CFAP299: variants seen among roughly 807,000 people sequenced by gnomAD.
The protein encoded by CFAP299 is cilia- and flagella-associated protein 299.
CFAP299 carries 21 observed loss-of-function variants against 27.0 expected under a neutral mutation model. The ratio of observed to expected loss-of-function variants is 0.78; its 90% confidence interval spans 0.55 to 1.12. CFAP299 has a LOEUF of 1.12. CFAP299 is among the 50% of genes most tolerant of loss of function. CFAP299 has a pLI of 0.00. For missense variants in CFAP299, 310 were observed against 276.6 expected (o/e 1.12, Z -0.86); for synonymous variants, 104 against 98.1 (o/e 1.06, Z -0.36).
chr4:80,426,634 C>T (rs1727542896), intron 2 of CFAP299, among the ~76,000 whole-genome samples: 1 of 152,158 alleles, frequency 6.6e-6, no homozygotes, highest in South Asian at 2.1e-4. Flanking sequence ...GGGAGAGGGG[C>T]CTAGGACTCT....
chr4:80,798,103 A>C (rs1727976457), intron 3 of CFAP299, among the ~76,000 whole-genome samples: 2 of 152,252 alleles, frequency 1.3e-5, no homozygotes, highest in South Asian at 4.1e-4. Context: ...TATATAAATT[A>C]GAAAACTCAA....
At chr4:80,805,696 T>A (rs1728827877) in intron 3 of CFAP299, among the ~76,000 whole-genome samples, 1 of 151,440 alleles carries the variant, frequency 6.6e-6, no homozygotes, top group African/African-American at 2.4e-5. Flanking sequence ...AGTAAAAAAA[T>A]AAAATAAAAA....
intron 4 of CFAP299, chr4:80,873,133 T>C (rs1461556572): frequency 4.6e-6 from 2 of 435,768 alleles, no homozygotes; most frequent in Non-Finnish European, 3.0e-6. Flanking sequence ...ATATAGCATA[T>C]GGTAGTTAGG....
intron 3 of CFAP299, among the ~76,000 whole-genome samples, chr4:80,843,721 C>T (rs1207120505): frequency 1.3e-5 from 2 of 152,028 alleles, no homozygotes. Flanking sequence ...CCTTATTTCT[C>T]CACATCCTCT....
At chr4:80,463,334 C>T (rs1729546411) in intron 2 of CFAP299, among the ~76,000 whole-genome samples, 1 of 152,024 alleles carries the variant, frequency 6.6e-6, no homozygotes, top group Admixed American at 6.5e-5. Context: ...TGCAAAATTA[C>T]ACAAAGAAAG....
chr4:80,871,069 GA>G, intron 4 of CFAP299: 1 of 447,886 alleles, frequency 2.2e-6, no homozygotes, highest in Non-Finnish European at 3.0e-6. Context: ...ACCACGTCTG[GA>G]TACTTTTTGT....
chr4:80,961,939 G>A (rs2109870792), intron 5 of CFAP299, among the ~76,000 whole-genome samples: 1 of 152,010 alleles, frequency 6.6e-6, no homozygotes, highest in African/African-American at 2.4e-5. Context: ...GCTGTCACCA[G>A]TAGGAAATAA....
intron 3 of CFAP299, among the ~76,000 whole-genome samples, chr4:80,723,868 C>T (rs989082675): frequency 4.0e-5 from 6 of 151,618 alleles, no homozygotes; most frequent in South Asian, 2.1e-4. Flanking sequence ...ACATAGTCCA[C>T]CTAATTAATA....
intron 2 of CFAP299, among the ~76,000 whole-genome samples, chr4:80,367,079 A>G (rs1723871917): frequency 6.6e-6 from 1 of 152,218 alleles, no homozygotes; most frequent in South Asian, 2.1e-4. Flanking sequence ...CTGCTAATGA[A>G]TATGAGGTTT....
intron 2 of CFAP299, among the ~76,000 whole-genome samples, chr4:80,370,232 G>A (rs371077175): frequency 1.2e-3 from 190 of 152,198 alleles, no homozygotes; most frequent in African/African-American, 4.3e-3. Flanking sequence ...GTACCAGGGG[G>A]AAATCTGACC....
intron 2 of CFAP299, among the ~76,000 whole-genome samples, chr4:80,532,914 TG>T (rs1474073831): frequency 6.6e-6 from 1 of 152,226 alleles, no homozygotes; most frequent in African/African-American, 2.4e-5. Context: ...GGAAAGCTAG[TG>T]GCTAAGAACT....
At chr4:80,607,159 C>G (rs1737722076) in intron 3 of CFAP299, among the ~76,000 whole-genome samples, 2 of 152,098 alleles carry the variant, frequency 1.3e-5, no homozygotes, top group Admixed American at 1.3e-4. Context: ...CATTTTATGT[C>G]TTTCAGAGGG....
At chr4:80,722,909 C>CAAAACAA (rs1553952997) in intron 3 of CFAP299, among the ~76,000 whole-genome samples, 1 of 150,298 alleles carries the variant, frequency 6.7e-6, no homozygotes, top group Non-Finnish European at 1.5e-5. Context: ...AAAAACAAAA[C>CAAAACAA]AAAAAAAAAT....
chr4:80,727,849 T>G (rs1723247405), intron 3 of CFAP299, among the ~76,000 whole-genome samples: 1 of 151,838 alleles, frequency 6.6e-6, no homozygotes. Context: ...AGAGAACAAA[T>G]ATGAACTATT....
At chr4:80,403,714 T>C (rs965420598) in intron 2 of CFAP299, among the ~76,000 whole-genome samples, 1 of 152,204 alleles carries the variant, frequency 6.6e-6, no homozygotes, top group Admixed American at 6.5e-5. Flanking sequence ...CATTACTTTA[T>C]ATATTTTTGT....
intron 2 of CFAP299, among the ~76,000 whole-genome samples, chr4:80,572,184 C>A (rs1735614449): frequency 6.6e-6 from 1 of 152,068 alleles, no homozygotes; most frequent in South Asian, 2.1e-4. Flanking sequence ...AATGAACATT[C>A]CGATTAAACT....
At chr4:80,456,983 CT>C (rs34551414) in intron 2 of CFAP299, among the ~76,000 whole-genome samples, 645 of 142,566 alleles carry the variant, frequency 4.5e-3, no homozygotes, top group East Asian at 4.7e-3. Flanking sequence ...ATTCCAAATG[CT>C]TTTTTTTTTT....
chr4:80,766,768 A>G (rs1578104159), intron 3 of CFAP299, among the ~76,000 whole-genome samples: 1 of 152,316 alleles, frequency 6.6e-6, no homozygotes. Context: ...AGAGAACACT[A>G]TTTGACTAAA....
intron 3 of CFAP299, chr4:80,608,381 G>A (rs1737785751): frequency 1.3e-6 from 2 of 1,526,518 alleles, no homozygotes; most frequent in African/African-American, 1.4e-5. Context: ...GAAGCAACTG[G>A]CAGTAAGTAC....
Sources: allele counts gnomAD v4.1 joint callset (sites outside exome capture counted in the v4.1 genomes callset), GRCh38; gene constraint gnomAD v4.1.1; transcripts MANE v1.5; gene names NCBI Gene and HGNC (gene_info 2026-07-23, HGNC 2026-07-21).